The following CTNNB1 variants were observed in gnomAD, a reference collection of about 807,000 sequenced individuals.
CTNNB1 encodes catenin beta 1.
In CTNNB1, 6 loss-of-function variants were observed where a neutral mutation model predicts 82.5. The ratio of observed to expected loss-of-function variants is 0.07; its 90% CI spans 0.04 to 0.14. CTNNB1 has a LOEUF of 0.14. Among genes scored for constraint, CTNNB1 ranks in the 10% least tolerant of loss-of-function variants. CTNNB1 has a pLI of 1.00. For synonymous variants in CTNNB1, 312 were observed against 329.7 expected (o/e 0.95, Z 0.58); for missense variants, 529 against 980.4 (o/e 0.54, Z 6.15).
In CTNNB1 at chr3:41,235,980, G is replaced by C. The variant is rs2078426099; in HGVS notation, c.1803+137G>C. 4 of 1,144,610 alleles carry C rather than the reference G, an allele frequency of 3.5e-6. No homozygotes were observed. In the East Asian group the frequency reaches 9.4e-5, roughly 27 times the overall value. The allele number at this position is 1,144,610 out of a possible 1,614,324, so 70.9% of individuals were successfully genotyped here. ...TTTATGAAAATTCCCTACATTTTTTGGTCAGTAAGAGAAACATTGAGACTT... is the reference window on the plus strand; with the variant it reads ...TTTATGAAAATTCCCTACATTTTTTCGTCAGTAAGAGAAACATTGAGACTT... On this transcript the variant is annotated intron_variant, in intron 11 of 14. Coordinates refer to ENST00000349496, the MANE Select transcript of CTNNB1 (RefSeq NM_001904.4).
intron 11 of CTNNB1, 109 bp from the exon 12 acceptor site, chr3:41,236,240 A>T: frequency 8.2e-7 from 1 of 1,215,546 alleles, no homozygotes; most frequent in East Asian, 2.3e-5. Context: ...TATTTACTAC[A>T]GTGTGAATGC....
intron 14 of CTNNB1, 89 bp downstream of exon 14, chr3:41,238,165 C>T (rs2078485721): frequency 8.5e-7 from 1 of 1,169,778 alleles, no homozygotes; most frequent in South Asian, 1.2e-5. Flanking sequence ...ATCTGGGAAA[C>T]CAGTGTTGGC....
In CTNNB1 at chr3:41,227,224, G is replaced by C. The variant is rs752184222; in HGVS notation, c.953G>C (p.Ser318Thr). Residue 318 changes from serine (S) to threonine (T), a missense_variant, in exon 7 of 15, where the codon AGT (serine) becomes ACT (threonine). Physicochemically the swap from Ser to Thr is moderately conservative, Grantham distance 58. Transcript: ENST00000349496. The part of the protein sequence containing the change: ...NQESKLIILA[S>T]GGPQALVNIM... Reference sequence around the variant, plus strand: ...TCTTTCTAGCTCATCATACTGGCTAGTGGTGGACCCCAAGCTTTAGTAAAT... The same window carrying C: ...TCTTTCTAGCTCATCATACTGGCTACTGGTGGACCCCAAGCTTTAGTAAAT... 6.2e-7 allele frequency: 1 copy of C among 1,611,096 alleles called. No individual in the cohort carries two copies. Among genetic ancestry groups the C allele is most frequent in the Non-Finnish European group, 8.5e-7 (1 of 1,177,818 alleles).
intron 1 of CTNNB1, among the ~76,000 whole-genome samples, chr3:41,209,911 T>C (rs762844835): frequency 6.6e-6 from 1 of 152,214 alleles, no homozygotes; most frequent in Non-Finnish European, 1.5e-5. Context: ...CTGTAGACTT[T>C]ATAAACACTG....
intron 1 of CTNNB1, among the ~76,000 whole-genome samples, chr3:41,212,251 C>G (rs1264284989): frequency 6.6e-6 from 1 of 152,080 alleles, no homozygotes; most frequent in Admixed American, 6.5e-5. Context: ...TCCCTGATAG[C>G]GGGACAGCCA....
chr3:41,227,616 G>A (rs1428425531), intron 7 of CTNNB1, among the ~76,000 whole-genome samples: 1 of 152,122 alleles, frequency 6.6e-6, no homozygotes, highest in Non-Finnish European at 1.5e-5. Context: ...TCAGTTTTGA[G>A]TAAACCTAAG....
At chr3:41,229,536 T>C (rs2078254171) in intron 7 of CTNNB1, among the ~76,000 whole-genome samples, 1 of 152,234 alleles carries the variant, frequency 6.6e-6, no homozygotes, top group Non-Finnish European at 1.5e-5. Context: ...GAAATGCTTC[T>C]GACTTTTGTA....
chr3:41,203,879 A>C (rs1463776998), intron 1 of CTNNB1, among the ~76,000 whole-genome samples: 4 of 152,184 alleles, frequency 2.6e-5, no homozygotes, highest in Admixed American at 2.0e-4. Context: ...TAGTTTTTGG[A>C]AGTTAAACGG....
At chr3:41,212,745 G>A (rs1048249110) in intron 1 of CTNNB1, among the ~76,000 whole-genome samples, 1 of 152,166 alleles carries the variant, frequency 6.6e-6, no homozygotes, top group African/African-American at 2.4e-5. Flanking sequence ...TTTCTTACAT[G>A]GCACTACATT....
At chr3:41,237,697 C>CTTT (rs548643863) in intron 13 of CTNNB1, 11 of 139,994 alleles carry the variant, frequency 7.9e-5, no homozygotes, top group South Asian at 6.1e-4. Context: ...GGCATTTTGC[C>CTTT]TTTTTTTTTT....
intron 7 of CTNNB1, among the ~76,000 whole-genome samples, chr3:41,228,421 G>A (rs1294978745): frequency 6.6e-6 from 1 of 152,192 alleles, no homozygotes. Context: ...TCTAACTGGT[G>A]TGAGACGGTA....
At chr3:41,214,502 G>T (rs2077870013) in intron 1 of CTNNB1, among the ~76,000 whole-genome samples, 1 of 151,904 alleles carries the variant, frequency 6.6e-6, no homozygotes, top group South Asian at 2.1e-4. Context: ...AAATTGTCTT[G>T]TTATAGCTTT....
chr3:41,204,676 T>A (rs1398764311), intron 1 of CTNNB1, among the ~76,000 whole-genome samples: 1 of 152,214 alleles, frequency 6.6e-6, no homozygotes, highest in Non-Finnish European at 1.5e-5. Context: ...TCAATGTACA[T>A]CTCTTGATTT....
rs1171538053 is a variant in CTNNB1, at chr3:41,234,136, C to T, written c.1525-3C>T. 1 of 1,614,172 alleles carries T rather than the reference C, an allele frequency of 6.2e-7. No homozygotes were observed. The highest frequency in any genetic ancestry group is 2.2e-5 in the East Asian group (1 of 44,884). ...TATGCCAGTTCTTCCTTCTGTTTTTCAGGCTACTGTTGGATTGATTCGAAA... is the reference window on the plus strand; with the variant it reads ...TATGCCAGTTCTTCCTTCTGTTTTTTAGGCTACTGTTGGATTGATTCGAAA... On this transcript the variant is annotated splice_polypyrimidine_tract_variant and splice_region_variant and intron_variant, in intron 9 of 14. Coordinates refer to ENST00000349496, the MANE Select transcript of CTNNB1 (RefSeq NM_001904.4).
intron 1 of CTNNB1, chr3:41,211,032 A>G: frequency 2.2e-6 from 1 of 456,344 alleles, no homozygotes; most frequent in East Asian, 6.9e-5. Context: ...GCATCAAGTA[A>G]TCCTCCCACT....
intron 1 of CTNNB1, among the ~76,000 whole-genome samples, chr3:41,203,035 CTT>C (rs34745712): frequency 0.92 from 125,459 of 136,804 alleles, 58,053 homozygotes; most frequent in South Asian, 0.98. Context: ...GGTTTAGCCA[CTT>C]TTTTTTTTTT....
At chr3:41,208,326 G>A (rs2077697119) in intron 1 of CTNNB1, among the ~76,000 whole-genome samples, 1 of 152,160 alleles carries the variant, frequency 6.6e-6, no homozygotes, top group African/African-American at 2.4e-5. Context: ...TGTAGAAGAT[G>A]CTTCCAATAT....
Position 41,239,986 on chromosome 3 carries a change from CTTTTTTTTTT to C in CTNNB1, c.*660_*669del, listed in dbSNP as rs1207330730. On this transcript the variant is annotated 3_prime_UTR_variant, in exon 15 of 15. Transcript: ENST00000349496. Reference sequence around the variant, plus strand: ...TGACTTTGCTTGCTTTGAAGTAGCTCTTTTTTTTTTTTTTTTTTTTTTTTTGCAGTAACTG... The same window carrying C: ...TGACTTTGCTTGCTTTGAAGTAGCTCTTTTTTTTTTTTTTTGCAGTAACTG... 23 of 32,676 alleles carry C rather than the reference CTTTTTTTTTT, an allele frequency of 7.0e-4. No homozygotes were observed. Among genetic ancestry groups the C allele is most frequent in the South Asian group, 2.8e-3 (1 of 362 alleles). The allele number at this position is 32,676 out of a possible 1,614,324, so 2.0% of individuals were successfully genotyped here. A position where few individuals can be genotyped will look rare whatever the true frequency, so the allele number is the denominator to read the frequency against.
At chr3:41,210,902 A>T (rs1559458322) in intron 1 of CTNNB1, 1 of 395,076 alleles carries the variant, frequency 2.5e-6, no homozygotes, top group Non-Finnish European at 5.1e-6. Flanking sequence ...TGATCCTCCT[A>T]CCTCAGCCTC....
Sources: allele counts gnomAD v4.1 joint callset (sites outside exome capture counted in the v4.1 genomes callset), GRCh38; gene constraint gnomAD v4.1.1; transcripts MANE v1.5; gene names NCBI Gene and HGNC (gene_info 2026-07-23, HGNC 2026-07-21).